Variants in RHPN1 observed in about 807,000 individuals in gnomAD.
RHPN1 encodes the protein rhophilin Rho GTPase binding protein 1, also known as rhophilin-1.
RHPN1 carries 77 observed loss-of-function variants against 74.7 expected under a neutral mutation model. That is an observed-to-expected ratio of 1.03 (90% CI 0.86 to 1.25). The LOEUF (loss-of-function observed/expected upper bound fraction) is 1.25, where lower values mean the gene tolerates loss of function less well. Among genes scored for constraint, RHPN1 ranks in the 50% most tolerant of loss-of-function variants. The pLI, the probability that RHPN1 is intolerant of heterozygous loss-of-function variation, is 0.00. For synonymous variants in RHPN1, 444 were observed against 414.5 expected, an observed-to-expected ratio of 1.07 and a Z score of -0.87; for missense variants, 987 against 932.2, an observed-to-expected ratio of 1.06 and a Z score of -0.77.
chr8:143,380,755 T>C lies in RHPN1; in HGVS notation c.1383T>C (p.Cys461=), dbSNP rs772676228. The part of the protein sequence containing the change: ...YAELDREDDF[C]EAAEAPDIQP... The stretch of plus-strand genomic sequence containing the variant: ...AGCTCGACCGTGAGGATGACTTCTG[T>C]GAGGCTGCCGAGGCCCCGGACATCC... Residue 461 remains cysteine, a synonymous_variant, in exon 11 of 15, where the codon TGT becomes TGC. Coordinates refer to ENST00000289013, the MANE Select transcript of RHPN1 (RefSeq NM_052924.3). The C allele has an allele frequency of 5.0e-6, 8 of 1,587,070 alleles. No homozygotes were observed. Among genetic ancestry groups the C allele is most frequent in the Middle Eastern group, 3.3e-4 (2 of 6,008 alleles).
At chr8:143,372,739 G>A (rs1476988150) in intron 1 of RHPN1, among the ~76,000 whole-genome samples, 1 of 150,838 alleles carries the variant, frequency 6.6e-6, no homozygotes, top group African/African-American at 2.4e-5. Context: ...AGGGGATGGT[G>A]CGGGTGTCCA....
In RHPN1 at chr8:143,375,642, G is replaced by T. The variant is rs773014512; in HGVS notation, c.150G>T (p.Met50Ile). ...AGCAGATTGACAAGGAGCTGCAGAT[G>T]CGGACGGGCGCTGAGAACCTCTACA... Reference protein sequence around the residue: ...IHQQIDKELQMRTGAENLYRA... With the variant: ...IHQQIDKELQIRTGAENLYRA... The change falls in exon 2 of 15, where the codon ATG (methionine) becomes ATT (isoleucine). Residue 50 changes from methionine to isoleucine, a missense_variant. Met to Ile is a conservative substitution (Grantham distance 10). Transcript: ENST00000289013. 11 of 1,608,520 alleles carry T rather than the reference G, an allele frequency of 6.8e-6. No individual in the cohort carries two copies. Among genetic ancestry groups the T allele is most frequent in the Admixed American group, 5.1e-5 (3 of 59,072 alleles).
chr8:143,378,909 C>T lies in RHPN1; in HGVS notation c.585-3C>T, dbSNP rs1166227789. 1.9e-6 allele frequency: 3 copies of T among 1,584,704 alleles called. No individual in the cohort carries two copies. In the African/African-American group the frequency reaches 4.0e-5, roughly 21 times the overall value. The stretch of plus-strand genomic sequence containing the variant: ...CTCCACCCAGCCTGACCCAACACTG[C>T]AGGTACGACTCGCTTACTGGGGTCC... On this transcript the variant is annotated splice_region_variant and splice_polypyrimidine_tract_variant and intron_variant, in intron 6 of 14. Transcript: ENST00000289013.
chr8:143,379,465 A>G lies in RHPN1; in HGVS notation c.902A>G (p.Gln301Arg). Residue 301 changes from glutamine (Q) to arginine (R), a missense_variant, in exon 8 of 15, where the codon CAA becomes CGA. Gln to Arg is a conservative substitution (Grantham distance 43). Transcript: ENST00000289013. ...GLSPPASMAP[Q>R]DCLAQLRLAQ... ...TCACCACCTGCCTCCATGGCCCCCC[A>G]AGACTGCCTGGCCCAGCTGCGCCTG... is the stretch of plus-strand genomic sequence containing the variant. The G allele has an allele frequency of 6.4e-7, 1 of 1,569,728 alleles. No homozygotes were observed. Among genetic ancestry groups the G allele is most frequent in the Non-Finnish European group, 8.6e-7 (1 of 1,157,936 alleles).
Position 143,382,718 on chromosome 8 carries a change from C to A in RHPN1, c.*67C>A. 1 of 1,374,462 alleles carries A rather than the reference C, an allele frequency of 7.3e-7. No homozygotes were observed. Among genetic ancestry groups the A allele is most frequent in the Non-Finnish European group, 1.0e-6 (1 of 1,003,540 alleles). The allele number at this position is 1,374,462 out of a possible 1,614,324, so 85.1% of individuals were successfully genotyped here. A position where few individuals can be genotyped will look rare whatever the true frequency, so the allele number is the denominator to read the frequency against. Reference sequence around the variant, plus strand: ...CAGCAAGCACCGAGCATGCCCTCCCCACCCAGAGGACCTCCGGGCAATGCC... The same window carrying A: ...CAGCAAGCACCGAGCATGCCCTCCCAACCCAGAGGACCTCCGGGCAATGCC... On this transcript the variant is annotated 3_prime_UTR_variant, in exon 15 of 15. Transcript: ENST00000289013.
At chr8:143,374,178 G>A (rs1022798025) in intron 1 of RHPN1, 19 of 985,314 alleles carry the variant, frequency 1.9e-5, no homozygotes, top group East Asian at 1.1e-4. Flanking sequence ...AGCTCTTTAC[G>A]GGGAAGACGG....
In RHPN1 at chr8:143,383,051, G is replaced by T. The variant is rs1239692869; in HGVS notation, c.*400G>T. 1 of 233,076 alleles carries T rather than the reference G, an allele frequency of 4.3e-6. No individual in the cohort carries two copies. Among genetic ancestry groups the T allele is most frequent in the South Asian group, 6.4e-5 (1 of 15,534 alleles). The allele number at this position is 233,076 out of a possible 1,614,324, so 14.4% of individuals were successfully genotyped here. A position where few individuals can be genotyped will look rare whatever the true frequency, so the allele number is the denominator to read the frequency against. ...TTCTGCCTGGTGCCCAGTGATTCCT[G>T]CTGGGCACCCCTTCGCTCACTGCCC... On this transcript the variant is annotated 3_prime_UTR_variant, in exon 15 of 15. Coordinates refer to ENST00000289013, the MANE Select transcript of RHPN1 (RefSeq NM_052924.3).
chr8:143,379,639 C>G, intron 8 of RHPN1, 131 bp downstream of exon 8: 2 of 1,446,328 alleles, frequency 1.4e-6, no homozygotes, highest in Middle Eastern at 2.6e-4. Context: ...TTGTCCTGCT[C>G]CCTGGGGGGG....
chr8:143,376,383 T>G (rs1376375283), intron 2 of RHPN1, 142 bp from the exon 3 acceptor site: 143 of 1,170,592 alleles, frequency 1.2e-4, no homozygotes, highest in Non-Finnish European at 1.5e-4. Context: ...GCCCCACCCA[T>G]GGGGGGCAGA....
Position 143,382,554 on chromosome 8 carries a change from G to T in RHPN1, c.1916G>T (p.Arg639Leu). 2.5e-6 allele frequency: 4 copies of T among 1,611,550 alleles called. No homozygotes were observed. Among genetic ancestry groups the T allele is most frequent in the Non-Finnish European group, 3.4e-6 (4 of 1,179,618 alleles). ...ASPRPLLNWS[R>L]KAQQGKTGGC... is the part of the protein sequence containing the mutation. ...CCCCGGCCCCTCCTCAACTGGAGCC[G>T]AAAGGCCCAGCAGGGCAAGACTGGA... is the stretch of plus-strand genomic sequence containing the variant. The change falls in exon 15 of 15, where the codon CGA (arginine) becomes CTA (leucine). Residue 639 changes from arginine to leucine, a missense_variant. Coordinates refer to ENST00000289013, the MANE Select transcript of RHPN1 (RefSeq NM_052924.3).
Position 143,378,357 on chromosome 8 carries a change from C to CGGGGGGGGGGCGG in RHPN1, c.459+11_459+12insGGGGGGGGGGCGG. The CGGGGGGGGGGCGG allele has an allele frequency of 6.6e-7, 1 of 1,520,934 alleles. No individual in the cohort carries two copies. Among genetic ancestry groups the CGGGGGGGGGGCGG allele is most frequent in the Non-Finnish European group, 8.9e-7 (1 of 1,127,150 alleles). 94.2% of individuals were successfully genotyped at this position (1,520,934 alleles called of 1,614,324 possible). ...GAGGCCCTGCGGCAGGTGTGTGGTT[C>CGGGGGGGGGGCGG]CCCCGCCCACCCACCCTCCTGCAGC... On this transcript the variant is annotated intron_variant, in intron 5 of 14. Transcript: ENST00000289013.
chr8:143,380,427 GC>G, intron 10 of RHPN1, 161 bp from the exon 11 acceptor site: 1 of 695,500 alleles, frequency 1.4e-6, no homozygotes, highest in Non-Finnish European at 2.3e-6. Context: ...TTTGCACGTG[GC>G]AGAGCCCTCC....
chr8:143,379,380 C>T lies in RHPN1; in HGVS notation c.817C>T (p.Leu273Phe), dbSNP rs1386682973. The T allele has an allele frequency of 6.2e-7, 1 of 1,600,544 alleles. No individual in the cohort carries two copies. The highest frequency in any genetic ancestry group is 8.5e-7 in the Non-Finnish European group (1 of 1,174,092). Residue 273 changes from leucine (L) to phenylalanine (F), a missense_variant, in exon 8 of 15, where the codon CTC becomes TTC. Physicochemically the swap from Leu to Phe is conservative, Grantham distance 22. Coordinates refer to ENST00000289013, the MANE Select transcript of RHPN1 (RefSeq NM_052924.3). ...APSPDMSAAS[L>F]CALEQLMMAQ... ...GAGCCCAGACATGAGCGCTGCGTCCCTCTGCGCACTGGAGCAGCTCATGAT... is the reference window on the plus strand; with the variant it reads ...GAGCCCAGACATGAGCGCTGCGTCCTTCTGCGCACTGGAGCAGCTCATGAT...
chr8:143,378,358 C>CCG lies in RHPN1; in HGVS notation c.459+13_459+14insGC. The stretch of plus-strand genomic sequence containing the variant: ...AGGCCCTGCGGCAGGTGTGTGGTTC[C>CCG]CCCGCCCACCCACCCTCCTGCAGCC... On this transcript the variant is annotated intron_variant, in intron 5 of 14. Transcript: ENST00000289013. The CCG allele has an allele frequency of 4.0e-6, 3 of 753,672 alleles. No homozygotes were observed. Among genetic ancestry groups the CCG allele is most frequent in the South Asian group, 1.4e-5 (1 of 69,446 alleles). 46.7% of individuals were successfully genotyped at this position (753,672 alleles called of 1,614,324 possible).
At chr8:143,372,289 TG>T (rs1244464786) in intron 1 of RHPN1, among the ~76,000 whole-genome samples, 1 of 58,440 alleles carries the variant, frequency 1.7e-5, no homozygotes, top group Non-Finnish European at 3.3e-5. Context: ...GTAGCGCCGG[TG>T]GGAAAGGTAG....
In RHPN1 at chr8:143,379,840, G is replaced by A; in HGVS notation, c.957G>A (p.Glu319=). The A allele has an allele frequency of 1.2e-6, 2 of 1,609,864 alleles. No homozygotes were observed. Among genetic ancestry groups the A allele is most frequent in the Non-Finnish European group, 1.7e-6 (2 of 1,178,818 alleles). ...LAQEAAQVAA[E]YRLVHRTMAQ... Reference sequence around the variant, plus strand: ...ACATCCACCGGCAGGTGGCAGCCGAGTACAGGCTAGTGCACCGGACCATGG... The same window carrying A: ...ACATCCACCGGCAGGTGGCAGCCGAATACAGGCTAGTGCACCGGACCATGG... The change falls in exon 9 of 15, where the codon GAG becomes GAA. Residue 319 remains glutamate, a synonymous_variant. Transcript: ENST00000289013.
intron 2 of RHPN1, among the ~76,000 whole-genome samples, chr8:143,376,079 A>G (rs1485935256): frequency 6.6e-6 from 1 of 152,134 alleles, no homozygotes. Flanking sequence ...TGTGCGTGTG[A>G]GTGCCCCTCG....
Position 143,382,523 on chromosome 8 carries a change from G to A in RHPN1, c.1885G>A (p.Ala629Thr). The stretch of plus-strand genomic sequence containing the variant: ...TTGCAAGACCCCGGCATCCACGTGG[G>A]CCAGTCCCCGGCCCCTCCTCAACTG... ...HGCKTPASTW[A>T]SPRPLLNWSR... Residue 629 changes from alanine (A) to threonine (T), a missense_variant, in exon 15 of 15, where the codon GCC (alanine) becomes ACC (threonine). By Grantham distance (58) the Ala-to-Thr change is moderately conservative. Transcript: ENST00000289013. 3.1e-6 allele frequency: 5 copies of A among 1,610,388 alleles called. No individual in the cohort carries two copies. The South Asian group carries it at 4.4e-5, about 14-fold the overall frequency.
In RHPN1 at chr8:143,379,046, G is replaced by T. The variant is rs775090623; in HGVS notation, c.719G>T (p.Arg240Leu). Residue 240 changes from arginine to leucine, a missense_variant, in exon 7 of 15, where the codon CGC (arginine) becomes CTC (leucine). By Grantham distance (102) the Arg-to-Leu change is moderately radical. Transcript: ENST00000289013. ...GACCGCTCCTGCACCGAGGGTGCCC[G>T]CCGCGCTATGGAGGCCTTCCAGAGG... Reference protein sequence around the residue: ...RQDRSCTEGARRAMEAFQRAA... With the variant: ...RQDRSCTEGALRAMEAFQRAA... The T allele has an allele frequency of 6.5e-7, 1 of 1,540,336 alleles. No homozygotes were observed. Among genetic ancestry groups the T allele is most frequent in the South Asian group, 1.2e-5 (1 of 83,350 alleles).
Sources: allele counts gnomAD v4.1 joint callset (sites outside exome capture counted in the v4.1 genomes callset), GRCh38; gene constraint gnomAD v4.1.1; transcripts MANE v1.5; gene names NCBI Gene and HGNC (gene_info 2026-07-23, HGNC 2026-07-21).